Variants in XKR6 observed in about 807,000 individuals in gnomAD.
XKR6 encodes XK related 6.
In XKR6, 22 loss-of-function variants were observed where a neutral mutation model predicts 56.7. The observed-to-expected ratio is 0.39, with a 90% CI of 0.28 to 0.55. The LOEUF (loss-of-function observed/expected upper bound fraction) is 0.55, where lower values mean the gene tolerates loss of function less well. XKR6 is among the 20% of genes least tolerant of loss of function. The pLI, the probability that XKR6 is intolerant of heterozygous loss-of-function variation, is 0.66. For missense variants in XKR6, 852 were observed against 889.0 expected (o/e 0.96, Z 0.53); for synonymous variants, 524 against 387.8 (o/e 1.35, Z -4.13).
chr8:10,904,552 G>T lies in XKR6; in HGVS notation c.962-5636C>A, dbSNP rs375859487. 4.6e-5 allele frequency among the ~76,000 whole-genome samples: 7 copies of T among 152,300 alleles called. 1 individual carries two copies. Among genetic ancestry groups the T allele is most frequent in the African/African-American group, 1.7e-4 (7 of 41,568 alleles). ...GCACAGTGACAGGGCGTCTTGCAAA[G>T]GATGAGATCCTAGAACCTGGAGGGA... On this transcript the variant is annotated intron_variant, in intron 2 of 2. Coordinates refer to ENST00000416569, the MANE Select transcript of XKR6 (RefSeq NM_173683.4).
At chr8:10,997,154 G>C (rs966718735) in intron 1 of XKR6, among the ~76,000 whole-genome samples, 1 of 152,038 alleles carries the variant, frequency 6.6e-6, no homozygotes, top group Non-Finnish European at 1.5e-5. Context: ...AACCTTCGTA[G>C]CTTTTATGTA....
chr8:11,055,203 A>C (rs578205740), intron 1 of XKR6, among the ~76,000 whole-genome samples: 4 of 152,308 alleles, frequency 2.6e-5, no homozygotes, highest in Non-Finnish European at 5.9e-5. Flanking sequence ...GATGACAACA[A>C]AGAAAGTAGA....
intron 1 of XKR6, among the ~76,000 whole-genome samples, chr8:11,090,117 TC>T (rs1385799868): frequency 6.6e-6 from 1 of 152,238 alleles, no homozygotes; most frequent in Admixed American, 6.5e-5. Context: ...AGAGTCTTGC[TC>T]AGTCACCCAG....
intron 1 of XKR6, among the ~76,000 whole-genome samples, chr8:11,094,188 T>G (rs1798186245): frequency 6.6e-6 from 1 of 151,614 alleles, no homozygotes; most frequent in Non-Finnish European, 1.5e-5. Flanking sequence ...AGACTTTCCA[T>G]AAGCCCACAA....
At chr8:11,099,323 C>CA (rs1320402884) in intron 1 of XKR6, among the ~76,000 whole-genome samples, 3 of 152,216 alleles carry the variant, frequency 2.0e-5, no homozygotes, top group African/African-American at 7.2e-5. Flanking sequence ...TGCTGCTGCC[C>CA]AATAAATACC....
Position 11,132,809 on chromosome 8 carries a change from CTTTT to C in XKR6, c.764+67763_764+67766del, listed in dbSNP as rs955876918. 2.5e-4 allele frequency among the ~76,000 whole-genome samples: 36 copies of C among 142,902 alleles called. No individual in the cohort carries two copies. The South Asian group carries it at 4.8e-3, about 19-fold the overall frequency. The allele number at this position is 142,902 out of a possible 152,430, so 93.7% of individuals were successfully genotyped here. A position where few individuals can be genotyped will look rare whatever the true frequency, so the allele number is the denominator to read the frequency against. On this transcript the variant is annotated intron_variant, in intron 1 of 2. Coordinates refer to ENST00000416569, the MANE Select transcript of XKR6 (RefSeq NM_173683.4). The stretch of plus-strand genomic sequence containing the variant: ...CACGCACATTTTTTTTCTTGGAAGA[CTTTT>C]TTTATTACTTACATTTCTTTTCACC...
At chr8:10,981,263 G>C (rs971648982) in intron 1 of XKR6, among the ~76,000 whole-genome samples, 1 of 152,154 alleles carries the variant, frequency 6.6e-6, no homozygotes, top group African/African-American at 2.4e-5. Context: ...ATAGATTTTC[G>C]AGAGTGAAGT....
At chr8:10,921,604 T>C (rs1244931792) in intron 2 of XKR6, among the ~76,000 whole-genome samples, 2 of 152,150 alleles carry the variant, frequency 1.3e-5, no homozygotes, top group East Asian at 3.9e-4. Flanking sequence ...GAAAACGGGA[T>C]TGTGAAAAGA....
chr8:10,938,776 A>G (rs1334207897), intron 1 of XKR6, among the ~76,000 whole-genome samples: 1 of 152,178 alleles, frequency 6.6e-6, no homozygotes, highest in Non-Finnish European at 1.5e-5. Context: ...GGTGGTGACT[A>G]TGTGAATCCG....
intron 1 of XKR6, among the ~76,000 whole-genome samples, chr8:11,128,340 A>C (rs1249998301): frequency 6.6e-6 from 1 of 152,178 alleles, no homozygotes; most frequent in Non-Finnish European, 1.5e-5. Context: ...TGGGAAAGTC[A>C]TTCAATCTCA....
At chr8:11,000,746 C>T (rs73662667) in intron 1 of XKR6, among the ~76,000 whole-genome samples, 5,539 of 152,242 alleles carry the variant, frequency 0.036, 239 homozygotes, top group African/African-American at 0.1. Context: ...TGATTCTACA[C>T]GAGAGCTCTC....
chr8:11,074,579 G>A (rs1485955151), intron 1 of XKR6, among the ~76,000 whole-genome samples: 2 of 152,216 alleles, frequency 1.3e-5, no homozygotes, highest in Non-Finnish European at 2.9e-5. Context: ...TCTAGTAGGG[G>A]AGTCCTTCAT....
At chr8:11,145,923 C>T (rs1800959049) in intron 1 of XKR6, among the ~76,000 whole-genome samples, 1 of 152,054 alleles carries the variant, frequency 6.6e-6, no homozygotes, top group Admixed American at 6.5e-5. Context: ...CGTTTGAGGA[C>T]TTACATGACT....
intron 1 of XKR6, among the ~76,000 whole-genome samples, chr8:11,093,019 TTTC>T (rs930012460): frequency 4.7e-5 from 7 of 149,092 alleles, no homozygotes; most frequent in African/African-American, 1.8e-4. Flanking sequence ...TTCTTTCTCT[TTTC>T]TTTTTTCTTT....
At chr8:11,146,377 A>G (rs761967046) in intron 1 of XKR6, among the ~76,000 whole-genome samples, 4 of 152,186 alleles carry the variant, frequency 2.6e-5, no homozygotes, top group Non-Finnish European at 5.9e-5. Flanking sequence ...TGTAATCCCA[A>G]CACTTTGGGA....
chr8:11,086,136 A>G (rs1271278115), intron 1 of XKR6, among the ~76,000 whole-genome samples: 2 of 115,272 alleles, frequency 1.7e-5, no homozygotes, highest in Non-Finnish European at 3.5e-5. Context: ...AAAAGAAAAT[A>G]TATATATATA....
At chr8:11,078,423 T>TACC (rs1800330162) in intron 1 of XKR6, among the ~76,000 whole-genome samples, 1 of 152,196 alleles carries the variant, frequency 6.6e-6, no homozygotes, top group Non-Finnish European at 1.5e-5. Flanking sequence ...ATCCACCAGG[T>TACC]ACCGTCTGCC....
intron 1 of XKR6, among the ~76,000 whole-genome samples, chr8:11,139,868 C>G (rs1800599204): frequency 6.6e-6 from 1 of 152,106 alleles, no homozygotes; most frequent in African/African-American, 2.4e-5. Flanking sequence ...ATTTAAGCAG[C>G]AAAATCCCCA....
intron 1 of XKR6, among the ~76,000 whole-genome samples, chr8:10,969,996 A>G (rs1563318962): frequency 2.0e-5 from 3 of 152,200 alleles, no homozygotes; most frequent in African/African-American, 7.2e-5. Flanking sequence ...GACCCTGCCA[A>G]GTTCACCCTG....
Sources: allele counts gnomAD v4.1 joint callset (sites outside exome capture counted in the v4.1 genomes callset), GRCh38; gene constraint gnomAD v4.1.1; transcripts MANE v1.5; gene names NCBI Gene and HGNC (gene_info 2026-07-23, HGNC 2026-07-21).